The following IL1RAPL1 variants were observed in gnomAD, a reference collection of about 807,000 sequenced individuals.
The protein encoded by IL1RAPL1 is interleukin-1 receptor accessory protein-like 1.
A neutral mutation model predicts 48.4 loss-of-function variants in IL1RAPL1; 3 were observed. The ratio of observed to expected loss-of-function variants is 0.06; its 90% confidence interval spans 0.03 to 0.16. The LOEUF is 0.16. Among genes scored for constraint, IL1RAPL1 ranks in the 10% least tolerant of loss-of-function variants. IL1RAPL1 has a pLI of 1.00. For synonymous variants in IL1RAPL1, 185 were observed against 187.7 expected, an observed-to-expected ratio of 0.99 and a Z score of 0.12; for missense variants, 349 against 530.6, an observed-to-expected ratio of 0.66 and a Z score of 3.36.
rs1422243723 is a variant in IL1RAPL1 at position 29,668,356 on chromosome X, A to G, written c.704-74A>G. 4.1e-5 allele frequency: 38 copies of G among 921,629 alleles called. No homozygotes were observed. In the Middle Eastern group the frequency reaches 1.1e-3, roughly 26 times the overall value. 76.0% of individuals were successfully genotyped at this position (921,629 alleles called of 1,213,427 possible). ...GAAAGTGAAAAATATTTGGGAAAAT[A>G]GACTGTATTCTATCTTTTAGTTTTA... On this transcript the variant is annotated intron_variant, in intron 5 of 10. Coordinates refer to ENST00000378993, the MANE Select transcript of IL1RAPL1 (RefSeq NM_014271.4).
chrX:29,350,092 A>G (rs1208336974), intron 3 of IL1RAPL1, among the ~76,000 whole-genome samples: 2 of 101,802 alleles, frequency 2.0e-5, no homozygotes, highest in African/African-American at 7.4e-5. Context: ...ACTTGGCACA[A>G]TGGTTCATGT....
chrX:29,128,705 C>T, intron 2 of IL1RAPL1, among the ~76,000 whole-genome samples: 1 of 111,220 alleles, frequency 9.0e-6, no homozygotes, highest in Non-Finnish European at 1.9e-5. Flanking sequence ...TGTTATTCAC[C>T]ATTGTTTCCT....
intron 2 of IL1RAPL1, among the ~76,000 whole-genome samples, chrX:29,260,797 G>A (rs1397658063): frequency 2.7e-5 from 3 of 109,645 alleles, no homozygotes; most frequent in African/African-American, 6.6e-5. Context: ...TATCACCCCA[G>A]TTTGCTTGAT....
intron 5 of IL1RAPL1, among the ~76,000 whole-genome samples, chrX:29,634,946 T>C (rs774074661): frequency 2.7e-5 from 3 of 112,011 alleles, no homozygotes; most frequent in Non-Finnish European, 3.8e-5. Flanking sequence ...AGAAGCACTT[T>C]ATAACATCCA....
intron 2 of IL1RAPL1, among the ~76,000 whole-genome samples, chrX:29,024,152 T>G (rs1029651495): frequency 8.9e-6 from 1 of 112,003 alleles, no homozygotes; most frequent in African/African-American, 3.2e-5. Flanking sequence ...ATCTTAGATT[T>G]GAACCCGTGT....
intron 2 of IL1RAPL1, among the ~76,000 whole-genome samples, chrX:28,967,933 T>C (rs377440885): frequency 8.0e-5 from 9 of 112,116 alleles, no homozygotes; most frequent in African/African-American, 2.3e-4. Context: ...ATCTTGTGCC[T>C]GAGAGAGAGC....
chrX:29,302,557 G>C (rs988011638), intron 3 of IL1RAPL1, among the ~76,000 whole-genome samples: 1 of 112,154 alleles, frequency 8.9e-6, no homozygotes, highest in Non-Finnish European at 1.9e-5. Context: ...CACGACTATA[G>C]TAAAGTTCCC....
chrX:29,413,725 AT>A (rs1199281742), intron 5 of IL1RAPL1, among the ~76,000 whole-genome samples: 1 of 110,725 alleles, frequency 9.0e-6, no homozygotes, highest in African/African-American at 3.3e-5. Flanking sequence ...CATCAATACA[AT>A]TATTGACTAA....
chrX:29,701,022 A>G (rs1453828163), intron 6 of IL1RAPL1, among the ~76,000 whole-genome samples: 1 of 112,147 alleles, frequency 8.9e-6, no homozygotes, highest in Non-Finnish European at 1.9e-5. Flanking sequence ...TTTGATTACA[A>G]GGACCATCAG....
intron 5 of IL1RAPL1, among the ~76,000 whole-genome samples, chrX:29,450,877 A>G (rs956791836): frequency 9.0e-6 from 1 of 111,369 alleles, no homozygotes; most frequent in African/African-American, 3.3e-5. Context: ...AAACTTGGAA[A>G]ATAATTGCAG....
chrX:29,516,449 ATTC>A (rs1175283222), intron 5 of IL1RAPL1, among the ~76,000 whole-genome samples: 12 of 111,310 alleles, frequency 1.1e-4, no homozygotes, highest in African/African-American at 3.9e-4. Context: ...GTTATCTCCC[ATTC>A]TTCTTTTGGA....
chrX:29,950,246 G>A (rs748643988), intron 9 of IL1RAPL1, among the ~76,000 whole-genome samples: 87 of 112,091 alleles, frequency 7.8e-4, no homozygotes, highest in African/African-American at 2.7e-3. Flanking sequence ...AGATTAATAT[G>A]GTTATTTCAT....
intron 2 of IL1RAPL1, among the ~76,000 whole-genome samples, chrX:28,972,148 C>T (rs1446158296): frequency 1.8e-5 from 2 of 110,979 alleles, no homozygotes; most frequent in Admixed American, 9.7e-5. Context: ...ATTATTTTCC[C>T]GTGTTCATCA....
intron 2 of IL1RAPL1, among the ~76,000 whole-genome samples, chrX:28,837,750 C>A (rs1368034994): frequency 2.4e-5 from 2 of 84,187 alleles, no homozygotes; most frequent in African/African-American, 9.6e-5. Flanking sequence ...TACCAAGTGT[C>A]AAGCCCACCA....
intron 2 of IL1RAPL1, among the ~76,000 whole-genome samples, chrX:29,016,089 G>A (rs963708374): frequency 9.0e-6 from 1 of 111,621 alleles, no homozygotes; most frequent in Non-Finnish European, 1.9e-5. Flanking sequence ...AATAAATACA[G>A]CTCAGTTCTG....
chrX:28,781,451 T>A (rs1030742574), intron 1 of IL1RAPL1, among the ~76,000 whole-genome samples: 2 of 110,058 alleles, frequency 1.8e-5, no homozygotes, highest in African/African-American at 6.6e-5. Flanking sequence ...GCTACTTCTT[T>A]CCTCTAACCT....
intron 5 of IL1RAPL1, among the ~76,000 whole-genome samples, chrX:29,481,850 G>A (rs1935045150): frequency 8.9e-6 from 1 of 111,743 alleles, no homozygotes; most frequent in Non-Finnish European, 1.9e-5. Flanking sequence ...AAATGTAATT[G>A]AGGTTTTTGC....
intron 5 of IL1RAPL1, among the ~76,000 whole-genome samples, chrX:29,595,992 G>A (rs1923536331): frequency 9.0e-6 from 1 of 111,537 alleles, no homozygotes; most frequent in Non-Finnish European, 1.9e-5. Context: ...TAAATAGGGT[G>A]TCCTTTCCCC....
chrX:29,326,637 T>C (rs1932844377), intron 3 of IL1RAPL1, among the ~76,000 whole-genome samples: 2 of 112,441 alleles, frequency 1.8e-5, no homozygotes, highest in Admixed American at 1.9e-4. Flanking sequence ...GTTTTAAATA[T>C]CTATACTGAC....
Sources: allele counts gnomAD v4.1 joint callset (sites outside exome capture counted in the v4.1 genomes callset), GRCh38; gene constraint gnomAD v4.1.1; transcripts MANE v1.5; gene names NCBI Gene and HGNC (gene_info 2026-07-23, HGNC 2026-07-21).